The following ABAT variants were observed in gnomAD, a reference collection of about 807,000 sequenced individuals.
The protein encoded by ABAT is 4-aminobutyrate aminotransferase.
Under a neutral mutation model 64.6 loss-of-function variants are expected in ABAT, and 45 were observed. The observed-to-expected ratio is 0.70, with a 90% CI of 0.55 to 0.89. ABAT has a LOEUF of 0.89. ABAT is among the 40% of genes least tolerant of loss of function. ABAT has a pLI of 0.00. For synonymous variants in ABAT, 297 were observed against 250.5 expected (o/e 1.19, Z -1.75); for missense variants, 633 against 658.4 (o/e 0.96, Z 0.42).
intron 1 of ABAT, chr16:8,722,825 T>C (rs944415648): frequency 1.6e-5 from 20 of 1,289,136 alleles, no homozygotes; most frequent in Non-Finnish European, 2.0e-5. Flanking sequence ...AAGAGGGATA[T>C]ACTAATGCAA....
chr16:8,769,842 T>A (rs1251861125), intron 11 of ABAT, among the ~76,000 whole-genome samples: 2 of 152,176 alleles, frequency 1.3e-5, no homozygotes, highest in East Asian at 1.9e-4. Context: ...TGGAAAAAAA[T>A]ATCACTGTTT....
chr16:8,686,206 G>A (rs1217323122), intron 1 of ABAT, among the ~76,000 whole-genome samples: 3 of 152,226 alleles, frequency 2.0e-5, no homozygotes, highest in South Asian at 4.1e-4. Context: ...GCTGAGCGCC[G>A]GTCTGGGGAC....
chr16:8,753,461 G>A (rs2059551775), intron 5 of ABAT, among the ~76,000 whole-genome samples: 2 of 152,154 alleles, frequency 1.3e-5, no homozygotes, highest in Admixed American at 1.3e-4. Flanking sequence ...TGAAATGTGG[G>A]GGTCCCACAG....
intron 1 of ABAT, among the ~76,000 whole-genome samples, chr16:8,687,984 G>A (rs375505427): frequency 8.6e-5 from 13 of 151,716 alleles, no homozygotes; most frequent in African/African-American, 2.2e-4. Context: ...CTGCAGCCTC[G>A]GCCTCTAGGC....
At chr16:8,746,954 G>A (rs940252439) in intron 3 of ABAT, among the ~76,000 whole-genome samples, 3 of 152,196 alleles carry the variant, frequency 2.0e-5, no homozygotes, top group African/African-American at 7.2e-5. Context: ...TAGGTTAGGC[G>A]TGGCTTGAAT....
intron 1 of ABAT, among the ~76,000 whole-genome samples, chr16:8,712,369 G>GA (rs566821874): frequency 3.5e-4 from 53 of 152,326 alleles, no homozygotes; most frequent in African/African-American, 1.2e-3. Flanking sequence ...AACAGGATGT[G>GA]ATAAAGCACA....
At chr16:8,738,577 G>C (rs1185872847) in intron 2 of ABAT, 1 of 370,756 alleles carries the variant, frequency 2.7e-6, no homozygotes, top group East Asian at 8.5e-5. Flanking sequence ...TGGCTTTTGA[G>C]GTTTTGCTTT....
At chr16:8,729,828 T>TAA (rs5815494) in intron 1 of ABAT, among the ~76,000 whole-genome samples, 13,974 of 128,376 alleles carry the variant, frequency 0.11, 1,252 homozygotes, top group African/African-American at 0.22. Context: ...TTTTTTGTCT[T>TAA]AAAAAAAAAA....
intron 1 of ABAT, among the ~76,000 whole-genome samples, chr16:8,697,099 T>C (rs1176301046): frequency 1.3e-5 from 2 of 152,156 alleles, no homozygotes; most frequent in East Asian, 1.9e-4. Flanking sequence ...AATGTGTTGG[T>C]CTGAAAGCAG....
chr16:8,772,969 G>GA, intron 12 of ABAT, 52 bp downstream of exon 12: 1 of 1,611,074 alleles, frequency 6.2e-7, no homozygotes, highest in Non-Finnish European at 8.5e-7. Flanking sequence ...TCTGGGTTGA[G>GA]TTCCCCGAGT....
Position 8,768,929 on chromosome 16 carries a change from T to C in ABAT, c.772T>C (p.Phe258Leu), listed in dbSNP as rs1179196079. Residue 258 changes from phenylalanine to leucine, a missense_variant, in exon 11 of 16, where the codon TTT becomes CTT. By Grantham distance (22) the Phe-to-Leu change is conservative. Transcript: ENST00000268251. ...FPRLKYPLEE[F>L]VKENQQEEAR... ...ACGGCTGAAATACCCTCTGGAAGAG[T>C]TTGTGAAAGAGAACCAACAGGAGGA... 2.5e-6 allele frequency: 4 copies of C among 1,613,608 alleles called. No individual in the cohort carries two copies. Among genetic ancestry groups the C allele is most frequent in the Non-Finnish European group, 3.4e-6 (4 of 1,179,956 alleles).
intron 9 of ABAT, among the ~76,000 whole-genome samples, chr16:8,766,765 TC>T: frequency 6.6e-6 from 1 of 152,244 alleles, no homozygotes. Context: ...GGTCAGGAGT[TC>T]CAGACCAGCC....
chr16:8,720,155 C>G (rs1166021537), intron 1 of ABAT, among the ~76,000 whole-genome samples: 1 of 152,316 alleles, frequency 6.6e-6, no homozygotes, highest in East Asian at 1.9e-4. Context: ...CAGAAAATGG[C>G]CTGCAACAGG....
chr16:8,760,275 T>C (rs1329566656), intron 6 of ABAT: 1 of 152,186 alleles, frequency 6.6e-6, no homozygotes, highest in Non-Finnish European at 1.5e-5. Flanking sequence ...GGGGTATCAC[T>C]GGAAGATTTT....
rs1050649717 is a variant in ABAT at position 8,772,278 on chromosome 16, G to C, written c.817-502G>C. Among the ~76,000 whole-genome samples, 279 of 84,122 alleles carry C rather than the reference G, an allele frequency of 3.3e-3. 1 individual carries two copies. Among genetic ancestry groups the C allele is most frequent in the African/African-American group, 0.019 (265 of 13,812 alleles). The allele number at this position is 84,122 out of a possible 152,430, so 55.2% of individuals were successfully genotyped here. A position where few individuals can be genotyped will look rare whatever the true frequency, so the allele number is the denominator to read the frequency against. ...TGTGTGTGTGTGTGTGTGTGTGTGT[G>C]TGTGTGTGTGTGTGTGTGTGTGTGT... On this transcript the variant is annotated intron_variant, in intron 11 of 15. Transcript: ENST00000268251.
intron 1 of ABAT, among the ~76,000 whole-genome samples, chr16:8,702,993 G>A (rs117941063): frequency 0.01 from 1,542 of 152,220 alleles, 13 homozygotes; most frequent in Non-Finnish European, 0.013. Flanking sequence ...TAGGTGTGAT[G>A]CATGAGAGTG....
chr16:8,676,443 C>T (rs76758618), intron 1 of ABAT, among the ~76,000 whole-genome samples: 5 of 152,028 alleles, frequency 3.3e-5, no homozygotes, highest in Admixed American at 6.5e-5. Context: ...GGTCCCAAGT[C>T]CCCACTTGTC....
chr16:8,768,575 C>T (rs894963157), intron 10 of ABAT, among the ~76,000 whole-genome samples: 2 of 152,124 alleles, frequency 1.3e-5, no homozygotes, highest in African/African-American at 2.4e-5. Context: ...GTTCGAGAGT[C>T]CCCCTTCAGC....
At chr16:8,763,725 G>A (rs910945677) in intron 6 of ABAT, among the ~76,000 whole-genome samples, 1 of 152,140 alleles carries the variant, frequency 6.6e-6, no homozygotes, top group Non-Finnish European at 1.5e-5. Context: ...CATTCTGATG[G>A]TTAAATATAT....
Sources: allele counts gnomAD v4.1 joint callset (sites outside exome capture counted in the v4.1 genomes callset), GRCh38; gene constraint gnomAD v4.1.1; transcripts MANE v1.5; gene names NCBI Gene and HGNC (gene_info 2026-07-23, HGNC 2026-07-21).